The following AGAP1 variants were observed in gnomAD, a reference collection of about 807,000 sequenced individuals.
AGAP1 encodes the protein arf-GAP with GTPase, ANK repeat and PH domain-containing protein 1.
In AGAP1, 29 loss-of-function variants were observed where a neutral mutation model predicts 105.3. That is an observed-to-expected ratio of 0.28 (90% CI 0.21 to 0.38). The LOEUF is 0.38. AGAP1 is among the 10% of genes least tolerant of loss of function. AGAP1 has a pLI of 1.00. For synonymous variants in AGAP1, 509 were observed against 485.9 expected, an observed-to-expected ratio of 1.05 and a Z score of -0.63; for missense variants, 998 against 1,165.1, an observed-to-expected ratio of 0.86 and a Z score of 2.09.
At chr2:235,913,010 T>G (rs2051694650) in intron 11 of AGAP1, among the ~76,000 whole-genome samples, 1 of 152,204 alleles carries the variant, frequency 6.6e-6, no homozygotes, top group South Asian at 2.1e-4. Flanking sequence ...ACTCCTTGTA[T>G]ATTTAGGATA....
chr2:236,024,036 T>TTG (rs1242611346), intron 13 of AGAP1, among the ~76,000 whole-genome samples: 29 of 106,078 alleles, frequency 2.7e-4, no homozygotes, highest in African/African-American at 1.3e-3. Flanking sequence ...TTTTTTTTGT[T>TTG]TTTTTTTTTT....
Position 235,986,176 on chromosome 2 carries a change from G to A in AGAP1, c.1645+17553G>A, listed in dbSNP as rs111981458. Among the ~76,000 whole-genome samples, 7 of 151,926 alleles carry A rather than the reference G, an allele frequency of 4.6e-5. 1 individual carries two copies. The highest frequency in any genetic ancestry group is 8.8e-5 in the Non-Finnish European group (6 of 68,006). On this transcript the variant is annotated intron_variant, in intron 13 of 17. Coordinates refer to ENST00000304032, the MANE Select transcript of AGAP1 (RefSeq NM_001037131.3). ...GTGGTTTGTCGTTCTCCTTGCACACGTCCTTCACATCCCTTGTTAGTTGTA... is the reference window on the plus strand; with the variant it reads ...GTGGTTTGTCGTTCTCCTTGCACACATCCTTCACATCCCTTGTTAGTTGTA...
At chr2:235,869,064 A>G (rs958839341) in intron 9 of AGAP1, among the ~76,000 whole-genome samples, 2 of 152,246 alleles carry the variant, frequency 1.3e-5, no homozygotes, top group East Asian at 1.9e-4. Flanking sequence ...TCCAAGTAAC[A>G]TAAGAAGAAT....
chr2:235,951,769 T>G lies in AGAP1; in HGVS notation c.1484-16693T>G, dbSNP rs2053749332. On this transcript the variant is annotated intron_variant, in intron 12 of 17. Coordinates refer to ENST00000304032, the MANE Select transcript of AGAP1 (RefSeq NM_001037131.3). The surrounding 1 kb of genome is among the most constrained non-coding windows in gnomAD (Gnocchi z 4.2). Reference sequence around the variant, plus strand: ...ACTGGAGCCTTGGGCTGCAGATGAGTTACACCACACCAGTCTCCCAGTCCC... The same window carrying G: ...ACTGGAGCCTTGGGCTGCAGATGAGGTACACCACACCAGTCTCCCAGTCCC... 6.6e-6 allele frequency among the ~76,000 whole-genome samples: 1 copy of G among 152,112 alleles called. No homozygotes were observed. The highest frequency in any genetic ancestry group is 2.4e-5 in the African/African-American group (1 of 41,418).
At chr2:235,512,684 G>A (rs980225829) in intron 1 of AGAP1, among the ~76,000 whole-genome samples, 5 of 152,110 alleles carry the variant, frequency 3.3e-5, no homozygotes, top group Non-Finnish European at 7.4e-5. Flanking sequence ...CCATGGGGTG[G>A]GCAGCTGGGC....
At chr2:235,590,178 G>A (rs1316866291) in intron 1 of AGAP1, among the ~76,000 whole-genome samples, 1 of 152,198 alleles carries the variant, frequency 6.6e-6, no homozygotes, top group Non-Finnish European at 1.5e-5. Context: ...ACCGCGCCCG[G>A]CCCTTTCTTT....
chr2:235,960,925 T>A lies in AGAP1; in HGVS notation c.1484-7537T>A, dbSNP rs1575895003. 6.6e-6 allele frequency among the ~76,000 whole-genome samples: 1 copy of A among 152,184 alleles called. No homozygotes were observed. Among genetic ancestry groups the A allele is most frequent in the East Asian group, 1.9e-4 (1 of 5,188 alleles). ...GCTTGTGGCTGGTTTTAAAACTAAGTCGCGAAATTGATACACTGCTGTGTG... is the reference window on the plus strand; with the variant it reads ...GCTTGTGGCTGGTTTTAAAACTAAGACGCGAAATTGATACACTGCTGTGTG... On this transcript the variant is annotated intron_variant, in intron 12 of 17. Coordinates refer to ENST00000304032, the MANE Select transcript of AGAP1 (RefSeq NM_001037131.3). This position sits in a 1 kb window ranked among gnomAD's most constrained non-coding sequence, Gnocchi z 4.9.
rs565201399 is a variant in AGAP1, at chr2:236,012,818, G to A, written c.1646-23743G>A. On this transcript the variant is annotated intron_variant, in intron 13 of 17. Coordinates refer to ENST00000304032, the MANE Select transcript of AGAP1 (RefSeq NM_001037131.3). This position sits in a 1 kb window ranked among gnomAD's most constrained non-coding sequence, Gnocchi z 4.9. ...TCTTGAGATGGAATCTCTCACTGTCGCCCAGGCTGGAGTGCAGTGGTACGA... is the reference window on the plus strand; with the variant it reads ...TCTTGAGATGGAATCTCTCACTGTCACCCAGGCTGGAGTGCAGTGGTACGA... 3.9e-5 allele frequency among the ~76,000 whole-genome samples: 6 copies of A among 151,920 alleles called. No homozygotes were observed. The highest frequency in any genetic ancestry group is 4.8e-5 in the African/African-American group (2 of 41,386).
intron 6 of AGAP1, among the ~76,000 whole-genome samples, chr2:235,784,003 T>C (rs1208139712): frequency 2.6e-5 from 4 of 151,956 alleles, no homozygotes; most frequent in African/African-American, 9.7e-5. Context: ...GATGGATGGG[T>C]GGATAGATAT....
In AGAP1 at chr2:235,842,395, A is replaced by G. The variant is rs1278945718; in HGVS notation, c.1050+35064A>G. Among the ~76,000 whole-genome samples the G allele has an allele frequency of 6.6e-6, 1 of 152,168 alleles. No individual in the cohort carries two copies. The highest frequency in any genetic ancestry group is 1.5e-5 in the Non-Finnish European group (1 of 68,028). ...AAAATCACAGACATGTTCACAGCGC[A>G]TTGCCGTTGTCCCAGATAATTGAAT... On this transcript the variant is annotated intron_variant, in intron 9 of 17. Coordinates refer to ENST00000304032, the MANE Select transcript of AGAP1 (RefSeq NM_001037131.3). The surrounding 1 kb of genome is among the most constrained non-coding windows in gnomAD (Gnocchi z 5.3).
rs1349879269 is a variant in AGAP1, at chr2:236,103,241, T to C, written c.2115-16951T>C. ...CACTGCCTCCCAGAAAAAGGAAAAA[T>C]CTCTACACCGAGGTCACTGGTCAGT... On this transcript the variant is annotated intron_variant, in intron 16 of 17. Coordinates refer to ENST00000304032, the MANE Select transcript of AGAP1 (RefSeq NM_001037131.3). Among the ~76,000 whole-genome samples the C allele has an allele frequency of 2.6e-5, 4 of 151,786 alleles. No individual in the cohort carries two copies. In the East Asian group the frequency reaches 5.9e-4, roughly 22 times the overall value.
chr2:235,630,329 A>G (rs1048922219), intron 1 of AGAP1, among the ~76,000 whole-genome samples: 2 of 151,844 alleles, frequency 1.3e-5, no homozygotes, highest in East Asian at 1.9e-4. Flanking sequence ...TTCTGCCTCA[A>G]CCTCCCGAGT....
chr2:235,594,152 G>A (rs943446659), intron 1 of AGAP1, among the ~76,000 whole-genome samples: 15 of 152,102 alleles, frequency 9.9e-5, no homozygotes, highest in Non-Finnish European at 1.9e-4. Flanking sequence ...TCTGATAGGC[G>A]TTTGCTTTTC....
chr2:236,038,255 C>A lies in AGAP1; in HGVS notation c.1800+1540C>A, dbSNP rs944107021. ...GCAACAGCACACAGCATCCTCCAAGCGTGGGCAGCTCATTCTGAGAAGGAA... is the reference window on the plus strand; with the variant it reads ...GCAACAGCACACAGCATCCTCCAAGAGTGGGCAGCTCATTCTGAGAAGGAA... On this transcript the variant is annotated intron_variant, in intron 14 of 17. Transcript: ENST00000304032. The surrounding 1 kb of genome is among the most constrained non-coding windows in gnomAD (Gnocchi z 4.5). 6.6e-6 allele frequency among the ~76,000 whole-genome samples: 1 copy of A among 152,150 alleles called. No homozygotes were observed. Among genetic ancestry groups the A allele is most frequent in the Non-Finnish European group, 1.5e-5 (1 of 68,032 alleles).
At chr2:235,508,614 C>T (rs762541947) in intron 1 of AGAP1, among the ~76,000 whole-genome samples, 8 of 152,162 alleles carry the variant, frequency 5.3e-5, no homozygotes, top group Non-Finnish European at 8.8e-5. Flanking sequence ...CCTGCGATTA[C>T]AGGTCCCGAA....
intron 1 of AGAP1, chr2:235,671,049 C>A (rs865908923): frequency 2.3e-6 from 3 of 1,281,778 alleles, no homozygotes. Context: ...GACGGCTCCC[C>A]GCGCAGAGGT....
chr2:235,504,647 TTCTC>T (rs1289264088), intron 1 of AGAP1, among the ~76,000 whole-genome samples: 1 of 152,112 alleles, frequency 6.6e-6, no homozygotes, highest in Non-Finnish European at 1.5e-5. Context: ...GGCTGTGTCT[TTCTC>T]TCTGTGGGTT....
Position 236,073,466 on chromosome 2 carries a change from TTGCAAAACATGC to T in AGAP1, c.2114+24195_2114+24206del, listed in dbSNP as rs1458272758. On this transcript the variant is annotated intron_variant, in intron 16 of 17. Coordinates refer to ENST00000304032, the MANE Select transcript of AGAP1 (RefSeq NM_001037131.3). The surrounding 1 kb of genome is among the most constrained non-coding windows in gnomAD (Gnocchi z 5.4). The stretch of plus-strand genomic sequence containing the variant: ...CAGGAGTTACATTTGCCCTATCAGC[TTGCAAAACATGC>T]TGCAAAACAGCTTGCAAAACAGCTG... 2.0e-5 allele frequency among the ~76,000 whole-genome samples: 3 copies of T among 152,142 alleles called. No homozygotes were observed. The highest frequency in any genetic ancestry group is 2.9e-5 in the Non-Finnish European group (2 of 68,030).
chr2:235,804,384 C>T (rs1464458987), intron 8 of AGAP1, among the ~76,000 whole-genome samples: 2 of 152,188 alleles, frequency 1.3e-5, no homozygotes, highest in East Asian at 3.8e-4. Context: ...TATACATTGC[C>T]CAGCTCAGAA....
Sources: gnomAD v4.1 joint callset for allele counts (sites outside exome capture counted in the v4.1 genomes callset) on GRCh38, gnomAD v4.1.1 for gene constraint, Gnocchi (gnomAD v3.1) non-coding constraint, MANE v1.5 for transcripts, NCBI Gene and HGNC (gene_info 2026-07-23, HGNC 2026-07-21) for gene names.